ANKRD36B: variants seen among roughly 807,000 people sequenced by gnomAD.
ANKRD36B encodes the protein ankyrin repeat domain 36B, also known as ankyrin repeat domain-containing protein 36B.
A neutral mutation model predicts 135.7 loss-of-function variants in ANKRD36B; 37 were observed. The ratio of observed to expected loss-of-function variants is 0.27; its 90% CI spans 0.21 to 0.36. The LOEUF is 0.36. Ranked by LOEUF, ANKRD36B falls within the 10% of genes least tolerant of loss-of-function variation. The pLI is 1.00. For missense variants in ANKRD36B, 549 were observed against 1,037.1 expected, an observed-to-expected ratio of 0.53 and a Z score of 6.46; for synonymous variants, 179 against 348.1, an observed-to-expected ratio of 0.51 and a Z score of 5.41.
Position 97,524,618 on chromosome 2 carries a change from T to C in ANKRD36B, c.2266-1151A>G, listed in dbSNP as rs2078093995. On this transcript the variant is annotated intron_variant, in intron 35 of 43. Transcript: ENST00000359901. The stretch of plus-strand genomic sequence containing the variant: ...TACAGAGACAGACATGCCAGATGCA[T>C]CACTTTCCTAACAATCAGGTGAATC... 2 of 96,526 alleles carry C rather than the reference T, an allele frequency of 2.1e-5. 1 individual carries two copies. Among genetic ancestry groups the C allele is most frequent in the Non-Finnish European group, 5.5e-5 (2 of 36,324 alleles). The allele number at this position is 96,526 out of a possible 1,614,324, so 6.0% of individuals were successfully genotyped here. A position where few individuals can be genotyped will look rare whatever the true frequency, so the allele number is the denominator to read the frequency against.
chr2:97,574,161 G>GA lies in ANKRD36B; in HGVS notation c.763+2217dup, dbSNP rs571760476. Among the ~76,000 whole-genome samples, 595 of 152,170 alleles carry GA rather than the reference G, an allele frequency of 3.9e-3. 5 individuals are homozygous for GA. The highest frequency in any genetic ancestry group is 0.012 in the East Asian group (64 of 5,180). On this transcript the variant is annotated intron_variant, in intron 6 of 43. Transcript: ENST00000359901. ...TCATCTGACAAAGGGCTAATATCCA[G>GA]AATCTACAAAGAGCTCAAACAAATT...
intron 10 of ANKRD36B, 67 bp downstream of exon 10, chr2:97,558,732 A>T (rs2080753462): frequency 6.2e-7 from 1 of 1,600,750 alleles, no homozygotes; most frequent in Non-Finnish European, 8.5e-7. Flanking sequence ...CCGCTGATTT[A>T]TTCGGGGAAG....
chr2:97,494,190 A>G (rs2922562), intron 43 of ANKRD36B, among the ~76,000 whole-genome samples: 1 of 97,214 alleles, frequency 1.0e-5, no homozygotes, highest in East Asian at 2.2e-4. Flanking sequence ...GCAACACGGA[A>G]AAACACAAAT....
chr2:97,581,792 CATTTATTTATTT>C (rs747453435), intron 3 of ANKRD36B, among the ~76,000 whole-genome samples: 22 of 152,000 alleles, frequency 1.4e-4, no homozygotes, highest in Admixed American at 7.2e-4. Context: ...TTATTTGCAT[CATTTATTTATTT>C]ATTTATTTAT....
chr2:97,552,407 A>G (rs778852551), intron 16 of ANKRD36B, among the ~76,000 whole-genome samples: 1 of 151,920 alleles, frequency 6.6e-6, no homozygotes, highest in Non-Finnish European at 1.5e-5. Flanking sequence ...TAGCTCCTTC[A>G]ACAAGGAAGC....
Position 97,551,292 on chromosome 2 carries a change from T to C in ANKRD36B, c.1372A>G (p.Thr458Ala). 8 of 1,557,632 alleles carry C rather than the reference T, an allele frequency of 5.1e-6. No homozygotes were observed. Among genetic ancestry groups the C allele is most frequent in the South Asian group, 1.2e-5 (1 of 85,640 alleles). ...TAAATGTGTTTCGCAAAATTACCTG[T>C]CCTAGATATTTCTCCATCCTTTTTT... ...REKKDGEISR[T>A]VSSQKPPALK... Residue 458 changes from threonine (T) to alanine (A), a missense_variant, in exon 18 of 44, where the codon ACA becomes GCA. Physicochemically the swap from Thr to Ala is moderately conservative, Grantham distance 58. Coordinates refer to ENST00000359901, the MANE Select transcript of ANKRD36B (RefSeq NM_001393939.1).
chr2:97,564,517 A>C (rs951163485), intron 6 of ANKRD36B, among the ~76,000 whole-genome samples: 7 of 152,108 alleles, frequency 4.6e-5, no homozygotes, highest in African/African-American at 1.4e-4. Context: ...TGAGAACTTA[A>C]TTTTAAGTCT....
chr2:97,547,439 T>C, intron 22 of ANKRD36B, 97 bp downstream of exon 22: 3 of 1,235,242 alleles, frequency 2.4e-6, no homozygotes, highest in Non-Finnish European at 2.3e-6. Context: ...TGAATCAGAA[T>C]GTGCAGCTTC....
intron 20 of ANKRD36B, among the ~76,000 whole-genome samples, chr2:97,548,535 A>G (rs1238803845): frequency 1.3e-4 from 20 of 152,066 alleles, no homozygotes; most frequent in African/African-American, 1.9e-4. Flanking sequence ...GAAAATGACC[A>G]TTTTAGGAGT....
chr2:97,560,286 T>C (rs192923952), intron 8 of ANKRD36B, among the ~76,000 whole-genome samples: 67 of 152,018 alleles, frequency 4.4e-4, no homozygotes, highest in African/African-American at 1.4e-3. Context: ...TAGGATCACT[T>C]TTCCCTCTGT....
chr2:97,535,547 TAATAA>T (rs2078840668), intron 34 of ANKRD36B, among the ~76,000 whole-genome samples: 3 of 117,230 alleles, frequency 2.6e-5, no homozygotes, highest in Admixed American at 2.5e-4. Context: ...TGGCTTAATA[TAATAA>T]GTGTAACAAA....
chr2:97,580,651 G>A, intron 3 of ANKRD36B, 83 bp from the exon 4 acceptor site: 2 of 1,287,542 alleles, frequency 1.6e-6, no homozygotes, highest in Admixed American at 2.4e-5. Flanking sequence ...GATCCTGTGA[G>A]CTTCAATATA....
Position 97,589,551 on chromosome 2 carries a change from G to A in ANKRD36B, c.135C>T (p.Asp45=), listed in dbSNP as rs1428341060. ...KLKYLLLTYY[D]ANKRDRKERT... ...TTTCCTTCCTGTCTCTCTTATTGGC[G>A]TCATAATACGTGAGCAGAAGGTACT... Residue 45 remains aspartate, a synonymous_variant, in exon 1 of 44, where the codon GAC becomes GAT. Coordinates refer to ENST00000359901, the MANE Select transcript of ANKRD36B (RefSeq NM_001393939.1). The A allele has an allele frequency of 6.2e-7, 1 of 1,605,424 alleles. No individual in the cohort carries two copies. Among genetic ancestry groups the A allele is most frequent in the Non-Finnish European group, 8.5e-7 (1 of 1,175,622 alleles).
rs1409330489 is a variant in ANKRD36B at position 97,589,871 on chromosome 2, A to G, written c.-186T>C. 4 of 807,848 alleles carry G rather than the reference A, an allele frequency of 5.0e-6. No homozygotes were observed. Among genetic ancestry groups the G allele is most frequent in the Non-Finnish European group, 7.8e-6 (4 of 513,204 alleles). 50.0% of individuals were successfully genotyped at this position (807,848 alleles called of 1,614,324 possible). ...TCCCGCCTCTCCGCAGAAACGCCCAACAGAAGGGTTAGAACCAGCGAGCAC... is the reference window on the plus strand; with the variant it reads ...TCCCGCCTCTCCGCAGAAACGCCCAGCAGAAGGGTTAGAACCAGCGAGCAC... On this transcript the variant is annotated 5_prime_UTR_variant, in exon 1 of 44. Transcript: ENST00000359901.
intron 4 of ANKRD36B, 30 bp downstream of exon 4, chr2:97,580,432 A>C (rs1390832283): frequency 1.3e-6 from 2 of 1,507,906 alleles, no homozygotes; most frequent in South Asian, 2.6e-5. Flanking sequence ...TCAGGTTTAA[A>C]AACAACACAA....
At chr2:97,522,131 T>G (rs1375714777) in intron 36 of ANKRD36B, among the ~76,000 whole-genome samples, 1 of 89,976 alleles carries the variant, frequency 1.1e-5, no homozygotes, top group African/African-American at 3.4e-5. Context: ...TTTTTACATA[T>G]GACACAAAAT....
At chr2:97,583,223 GA>G (rs1231674274) in intron 3 of ANKRD36B, among the ~76,000 whole-genome samples, 2 of 107,806 alleles carry the variant, frequency 1.9e-5, no homozygotes, top group African/African-American at 3.6e-5. Flanking sequence ...GTAATTGAGA[GA>G]ACCCCGCTTT....
chr2:97,538,129 T>C (rs1279540078), intron 32 of ANKRD36B, 39 bp downstream of exon 32: 3 of 953,928 alleles, frequency 3.1e-6, no homozygotes, highest in South Asian at 2.5e-5. Context: ...GTCTTCTATC[T>C]TGAGTGCACA....
chr2:97,566,015 T>TA (rs933382930), intron 6 of ANKRD36B, among the ~76,000 whole-genome samples: 23 of 150,620 alleles, frequency 1.5e-4, no homozygotes, highest in Admixed American at 5.3e-4. Flanking sequence ...GACTCTTTAT[T>TA]AAAAAAAAAT....
Sources: gnomAD v4.1 joint callset for allele counts (sites outside exome capture counted in the v4.1 genomes callset) on GRCh38, gnomAD v4.1.1 for gene constraint, MANE v1.5 for transcripts, NCBI Gene and HGNC (gene_info 2026-07-23, HGNC 2026-07-21) for gene names.